PRKG2: variants seen among roughly 807,000 people sequenced by gnomAD.
PRKG2 encodes the protein cGMP-dependent protein kinase 2.
In PRKG2, 33 loss-of-function variants were observed where a neutral mutation model predicts 97.2. The ratio of observed to expected loss-of-function variants is 0.34; its 90% confidence interval spans 0.26 to 0.45. The LOEUF is 0.45. Among genes scored for constraint, PRKG2 ranks in the 20% least tolerant of loss-of-function variants. PRKG2 has a pLI of 1.00. For missense variants in PRKG2, 638 were observed against 900.0 expected (o/e 0.71, Z 3.73); for synonymous variants, 330 against 321.8 (o/e 1.03, Z -0.27).
At chr4:81,132,354 C>T (rs1432286361) in intron 14 of PRKG2, among the ~76,000 whole-genome samples, 3 of 152,008 alleles carry the variant, frequency 2.0e-5, no homozygotes, top group African/African-American at 7.2e-5. Context: ...GTAACTTCTT[C>T]CTTTATAATA....
intron 2 of PRKG2, among the ~76,000 whole-genome samples, chr4:81,179,524 GAAGA>G (rs1225610972): frequency 3.3e-5 from 5 of 152,160 alleles, no homozygotes; most frequent in African/African-American, 4.8e-5. Context: ...GCTCCAGACA[GAAGA>G]AATATGATCT....
intron 4 of PRKG2, among the ~76,000 whole-genome samples, chr4:81,171,154 G>T (rs567263288): frequency 1.3e-5 from 2 of 151,888 alleles, no homozygotes; most frequent in Admixed American, 1.3e-4. Context: ...TTATCCTGAT[G>T]CTCTCCCTCC....
intron 5 of PRKG2, among the ~76,000 whole-genome samples, chr4:81,167,823 A>G (rs1424930359): frequency 2.0e-5 from 3 of 151,904 alleles, no homozygotes; most frequent in Non-Finnish European, 2.9e-5. Flanking sequence ...CACCAAGGGA[A>G]TGATCACTAA....
intron 1 of PRKG2, among the ~76,000 whole-genome samples, chr4:81,208,626 A>G (rs538164124): frequency 2.6e-5 from 4 of 152,056 alleles, no homozygotes; most frequent in Admixed American, 2.6e-4. Context: ...GTCTTGCACT[A>G]TGTTGCTCAA....
chr4:81,155,123 A>G (rs1748905559), intron 6 of PRKG2, among the ~76,000 whole-genome samples: 1 of 138,590 alleles, frequency 7.2e-6, no homozygotes. Context: ...GCTTGCAGTG[A>G]GCCGAGATCC....
chr4:81,099,264 G>C (rs1179182879), intron 17 of PRKG2, among the ~76,000 whole-genome samples: 2 of 152,102 alleles, frequency 1.3e-5, no homozygotes, highest in Non-Finnish European at 2.9e-5. Flanking sequence ...CAACAAAAAA[G>C]AGAATTTTAG....
At chr4:81,101,059 G>A (rs1035987723) in intron 17 of PRKG2, among the ~76,000 whole-genome samples, 1 of 151,904 alleles carries the variant, frequency 6.6e-6, no homozygotes, top group South Asian at 2.1e-4. Flanking sequence ...TAAAAAGTCA[G>A]GAAACAACAG....
At chr4:81,188,116 C>T (rs952000240) in intron 2 of PRKG2, among the ~76,000 whole-genome samples, 6 of 152,040 alleles carry the variant, frequency 3.9e-5, no homozygotes, top group Non-Finnish European at 8.8e-5. Context: ...TTTTTGCAAC[C>T]TACTCATCTG....
At chr4:81,176,379 T>A (rs1174305992) in intron 2 of PRKG2, among the ~76,000 whole-genome samples, 2 of 152,134 alleles carry the variant, frequency 1.3e-5, no homozygotes, top group African/African-American at 2.4e-5. Flanking sequence ...CTGTATTATA[T>A]CATCAGATTA....
At chr4:81,167,462 C>G (rs1182238492) in intron 5 of PRKG2, among the ~76,000 whole-genome samples, 1 of 150,098 alleles carries the variant, frequency 6.7e-6, no homozygotes, top group East Asian at 1.9e-4. Context: ...TAGTAAGATA[C>G]CAGACAGGGG....
chr4:81,216,806 T>G (rs1447949559), upstream of PRKG2, among the ~76,000 whole-genome samples: 1 of 151,802 alleles, frequency 6.6e-6, no homozygotes, highest in Non-Finnish European at 1.5e-5. Flanking sequence ...TCTGAGTAAT[T>G]TCACTTAGGA....
intron 1 of PRKG2, among the ~76,000 whole-genome samples, chr4:81,212,751 T>C (rs1251507288): frequency 6.6e-6 from 1 of 152,156 alleles, no homozygotes; most frequent in Non-Finnish European, 1.5e-5. Context: ...GTGCCCAGGA[T>C]ATTAGCGATG....
chr4:81,172,401 C>T (rs1192387336), intron 3 of PRKG2, among the ~76,000 whole-genome samples: 1 of 152,082 alleles, frequency 6.6e-6, no homozygotes, highest in Non-Finnish European at 1.5e-5. Flanking sequence ...CCTGATTCAA[C>T]TCATTTTTGC....
At chr4:81,112,162 A>T (rs1427486369) in intron 14 of PRKG2, among the ~76,000 whole-genome samples, 1 of 152,230 alleles carries the variant, frequency 6.6e-6, no homozygotes, top group Admixed American at 6.5e-5. Flanking sequence ...CACAACAGCA[A>T]GGATTTTCCT....
chr4:81,125,998 G>C (rs1432688260), intron 14 of PRKG2, among the ~76,000 whole-genome samples: 4 of 152,064 alleles, frequency 2.6e-5, no homozygotes, highest in Non-Finnish European at 4.4e-5. Context: ...ATCTACATTA[G>C]GTATTTCTCC....
chr4:81,207,380 T>C (rs1028272726), intron 1 of PRKG2, among the ~76,000 whole-genome samples: 10 of 152,178 alleles, frequency 6.6e-5, no homozygotes, highest in African/African-American at 1.9e-4. Context: ...AAAGCACGCA[T>C]AAAAACTTTC....
chr4:81,192,975 T>C (rs1365634934), intron 2 of PRKG2: 2 of 152,250 alleles, frequency 1.3e-5, no homozygotes, highest in African/African-American at 4.8e-5. Context: ...TGTATTAGGC[T>C]CTCAATCTTT....
chr4:81,124,163 C>T (rs866851136), intron 14 of PRKG2, among the ~76,000 whole-genome samples: 20 of 152,220 alleles, frequency 1.3e-4, no homozygotes, highest in Middle Eastern at 3.4e-3. Flanking sequence ...CTTTCTTTCA[C>T]CCTTTCTGAA....
chr4:81,133,395 C>A (rs1455867474), intron 14 of PRKG2, among the ~76,000 whole-genome samples: 2 of 152,112 alleles, frequency 1.3e-5, no homozygotes, highest in African/African-American at 2.4e-5. Flanking sequence ...ATAAGTCCAA[C>A]GCTTGGTCTC....
Sources: allele counts gnomAD v4.1 joint callset (sites outside exome capture counted in the v4.1 genomes callset), GRCh38; gene constraint gnomAD v4.1.1; transcripts MANE v1.5; gene names NCBI Gene and HGNC (gene_info 2026-07-23, HGNC 2026-07-21).